The following PLS1 variants were observed in gnomAD, a reference collection of about 807,000 sequenced individuals.
PLS1 encodes plastin-1.
Under a neutral mutation model 73.7 loss-of-function variants are expected in PLS1, and 32 were observed. That is an observed-to-expected ratio of 0.43 (90% CI 0.33 to 0.58). The LOEUF is 0.58. Ranked by LOEUF, PLS1 falls within the 20% of genes least tolerant of loss-of-function variation. The probability of loss-of-function intolerance (pLI) is 0.04; values close to 1 mark genes in which losing one functional copy is unlikely to be tolerated. For synonymous variants in PLS1, 217 were observed against 261.3 expected, an observed-to-expected ratio of 0.83 and a Z score of 1.63; for missense variants, 633 against 740.5, an observed-to-expected ratio of 0.85 and a Z score of 1.68.
At chr3:142,635,485 C>G (rs1422996562) in intron 1 of PLS1, among the ~76,000 whole-genome samples, 1 of 151,562 alleles carries the variant, frequency 6.6e-6, no homozygotes, top group African/African-American at 2.4e-5. Flanking sequence ...AGTCTGCAGT[C>G]CCAGCTACTC....
intron 1 of PLS1, among the ~76,000 whole-genome samples, chr3:142,659,665 CTT>C (rs1052465313): frequency 2.0e-5 from 3 of 148,644 alleles, no homozygotes; most frequent in Admixed American, 6.7e-5. Flanking sequence ...TTCCACTTTT[CTT>C]TTTTCTTTTT....
intron 6 of PLS1, among the ~76,000 whole-genome samples, chr3:142,683,219 T>C (rs2107886445): frequency 6.6e-6 from 1 of 152,352 alleles, no homozygotes; most frequent in East Asian, 1.9e-4. Context: ...GAGGATGGGC[T>C]CTGGGCCAGG....
At chr3:142,599,485 G>GCC (rs2035876713) in intron 1 of PLS1, among the ~76,000 whole-genome samples, 1 of 151,048 alleles carries the variant, frequency 6.6e-6, no homozygotes, top group Non-Finnish European at 1.5e-5. Flanking sequence ...GCCCGCCACC[G>GCC]CGCCCGGCTA....
intron 6 of PLS1, among the ~76,000 whole-genome samples, chr3:142,678,543 A>G (rs1342455324): frequency 6.6e-6 from 1 of 150,996 alleles, no homozygotes; most frequent in African/African-American, 2.4e-5. Flanking sequence ...TGTTCTTGTA[A>G]TAGTTTACTG....
At position 142,706,445 on chromosome 3, in the gene PLS1, A is replaced by C. The variant is rs192540097; in HGVS notation, c.1629+1859A>C. On this transcript the variant is annotated intron_variant, in intron 14 of 15. Transcript: ENST00000457734. The stretch of plus-strand genomic sequence containing the variant: ...AACAAACTTAGAAGGGTCCATCTTG[A>C]ATAAAGGCATGTCTCAGAAAGTTAG... Among the ~76,000 whole-genome samples the C allele has an allele frequency of 1.6e-4, 24 of 152,286 alleles. No individual in the cohort carries two copies. The East Asian group carries it at 4.6e-3, about 29-fold the overall frequency.
At chr3:142,617,145 G>GT (rs372954619) in intron 1 of PLS1, among the ~76,000 whole-genome samples, 56 of 142,384 alleles carry the variant, frequency 3.9e-4, no homozygotes, top group African/African-American at 1.4e-3. Context: ...TGATTAGGAA[G>GT]ATTTTTTTTT....
intron 11 of PLS1, 49 bp from the exon 12 acceptor site, chr3:142,697,904 A>C: frequency 1.5e-4 from 151 of 995,186 alleles, no homozygotes; most frequent in Non-Finnish European, 2.1e-4. Context: ...AAAATTAGGT[A>C]ATACCCAACA....
intron 1 of PLS1, among the ~76,000 whole-genome samples, chr3:142,641,308 T>C (rs1395904712): frequency 6.8e-6 from 1 of 146,750 alleles, no homozygotes; most frequent in Non-Finnish European, 1.5e-5. Flanking sequence ...ATAAATAATA[T>C]ATATATTTAT....
intron 1 of PLS1, among the ~76,000 whole-genome samples, chr3:142,650,211 CTTTT>C (rs1171297517): frequency 8.5e-5 from 6 of 70,872 alleles, no homozygotes; most frequent in African/African-American, 1.7e-4. Context: ...GCTTCTTCTT[CTTTT>C]TTTTTTTTTT....
At chr3:142,654,379 T>C (rs1299163298) in intron 1 of PLS1, among the ~76,000 whole-genome samples, 2 of 152,188 alleles carry the variant, frequency 1.3e-5, no homozygotes, top group African/African-American at 2.4e-5. Context: ...AGAATCTTGC[T>C]CTGTCGCCCA....
At chr3:142,703,794 C>A in intron 12 of PLS1, 74 bp from the exon 13 acceptor site, 1 of 913,998 alleles carries the variant, frequency 1.1e-6, no homozygotes, top group Non-Finnish European at 1.7e-6. Context: ...TTTCAGATGG[C>A]TGAACTAGGC....
chr3:142,668,070 A>T (rs934566374), intron 2 of PLS1, among the ~76,000 whole-genome samples: 1 of 152,200 alleles, frequency 6.6e-6, no homozygotes, highest in Non-Finnish European at 1.5e-5. Flanking sequence ...CTCTTTTATT[A>T]AGAAGAACAA....
At chr3:142,663,794 C>T (rs1475728398) in intron 1 of PLS1, among the ~76,000 whole-genome samples, 1 of 152,192 alleles carries the variant, frequency 6.6e-6, no homozygotes, top group Non-Finnish European at 1.5e-5. Flanking sequence ...GCTGAATTCA[C>T]CTTTTTTGTA....
intron 10 of PLS1, 145 bp from the exon 11 acceptor site, chr3:142,694,322 CTT>C: frequency 1.1e-5 from 5 of 461,078 alleles, no homozygotes. Flanking sequence ...CATTAAGAGA[CTT>C]TTTTTCTCCC....
intron 1 of PLS1, among the ~76,000 whole-genome samples, chr3:142,657,411 A>C (rs1380737976): frequency 6.6e-6 from 1 of 152,218 alleles, no homozygotes. Flanking sequence ...AGGGAACCAC[A>C]GATTCTAGCC....
intron 14 of PLS1, among the ~76,000 whole-genome samples, chr3:142,707,987 C>T (rs916798061): frequency 6.6e-6 from 1 of 152,096 alleles, no homozygotes; most frequent in Non-Finnish European, 1.5e-5. Flanking sequence ...TTTCTCTATT[C>T]TTCAGTTTCC....
intron 1 of PLS1, among the ~76,000 whole-genome samples, chr3:142,636,422 A>G (rs2036692855): frequency 6.6e-6 from 1 of 152,252 alleles, no homozygotes; most frequent in South Asian, 2.1e-4. Context: ...CATACCTTGT[A>G]TTATAAACAA....
At chr3:142,708,473 C>T (rs888847299) in intron 14 of PLS1, among the ~76,000 whole-genome samples, 9 of 152,208 alleles carry the variant, frequency 5.9e-5, no homozygotes, top group Admixed American at 3.3e-4. Context: ...GTCTCAATCT[C>T]CTGACCTCCT....
chr3:142,672,909 T>C (rs1005553472), intron 4 of PLS1, among the ~76,000 whole-genome samples: 5 of 152,196 alleles, frequency 3.3e-5, no homozygotes, highest in Non-Finnish European at 2.9e-5. Context: ...CTATATTCAT[T>C]ATCAGTCACT....
Sources: gnomAD v4.1 joint callset for allele counts (sites outside exome capture counted in the v4.1 genomes callset) on GRCh38, gnomAD v4.1.1 for gene constraint, MANE v1.5 for transcripts, NCBI Gene and HGNC (gene_info 2026-07-23, HGNC 2026-07-21) for gene names.